TMEM82: variants seen among roughly 807,000 people sequenced by gnomAD.
TMEM82 encodes the protein transmembrane protein 82.
In TMEM82, 30 loss-of-function variants were observed where a neutral mutation model predicts 29.2. The ratio of observed to expected loss-of-function variants is 1.03; its 90% CI spans 0.77 to 1.39. The LOEUF is 1.39. Among genes scored for constraint, TMEM82 ranks in the 40% most tolerant of loss-of-function variants. The pLI is 0.00. For synonymous variants in TMEM82, 221 were observed against 225.4 expected (o/e 0.98, Z 0.18); for missense variants, 442 against 447.7 (o/e 0.99, Z 0.12).
Position 15,743,112 on chromosome 1 carries a change from C to T in TMEM82, c.254C>T (p.Thr85Met), listed in dbSNP as rs201226181. 1.7e-4 allele frequency: 275 copies of T among 1,611,970 alleles called. 1 individual carries two copies. In the Middle Eastern group the frequency reaches 2.3e-3, roughly 14 times the overall value. ...VHLAGLALFL[T>M]VVGSRVAALV... Reference sequence around the variant, plus strand: ...CTGGCAGGGCTGGCCCTGTTTCTGACGGTCGTGGGGTCCCGGGTGGCTGCC... The same window carrying T: ...CTGGCAGGGCTGGCCCTGTTTCTGATGGTCGTGGGGTCCCGGGTGGCTGCC... The change falls in exon 3 of 6, where the codon ACG (threonine) becomes ATG (methionine). Residue 85 changes from threonine to methionine, a missense_variant. Physicochemically the swap from Thr to Met is moderately conservative, Grantham distance 81. Transcript: ENST00000375782.
In TMEM82 at chr1:15,742,890, C is replaced by T. The variant is rs1489464643; in HGVS notation, c.144C>T (p.Phe48=). ...TGAACAGCCTCCTGAAAGTTTACTT[C>T]TTCGTGGGCTGTGCCAAGTGAGTGC... ...LVLNSLLKVY[F]FVGCANDPQR... Residue 48 remains phenylalanine, a synonymous_variant, in exon 2 of 6, where the codon TTC becomes TTT. Coordinates refer to ENST00000375782, the MANE Select transcript of TMEM82 (RefSeq NM_001013641.3). The T allele has an allele frequency of 6.2e-7, 1 of 1,612,894 alleles. No individual in the cohort carries two copies. The highest frequency in any genetic ancestry group is 1.1e-5 in the South Asian group (1 of 91,084).
At chr1:15,743,304 G>A (rs932977682) in intron 3 of TMEM82, 110 bp downstream of exon 3, 39 of 1,292,496 alleles carry the variant, frequency 3.0e-5, no homozygotes, top group Middle Eastern at 5.5e-4. Context: ...CCTCTTCGCC[G>A]TATTTTCCGT....
chr1:15,747,471 C>A, intron 5 of TMEM82, 75 bp from the exon 6 acceptor site: 1 of 1,294,648 alleles, frequency 7.7e-7, no homozygotes, highest in Non-Finnish European at 1.1e-6. Context: ...GGAGGAAGTG[C>A]CCGGGTCACT....
chr1:15,742,783 C>A lies in TMEM82; in HGVS notation c.89-52C>A. 2.5e-6 allele frequency: 4 copies of A among 1,575,786 alleles called. No homozygotes were observed. The South Asian group carries it at 4.5e-5, about 18-fold the overall frequency. On this transcript the variant is annotated intron_variant, in intron 1 of 5. Coordinates refer to ENST00000375782, the MANE Select transcript of TMEM82 (RefSeq NM_001013641.3). ...CCTCTGACCCTACCAATGAAGCCTG[C>A]CCTCCTAACACCCCTGCACGCTGCC...
At chr1:15,743,475 TCA>T (rs1459525041) in intron 3 of TMEM82, among the ~76,000 whole-genome samples, 1 of 152,254 alleles carries the variant, frequency 6.6e-6, no homozygotes, top group Non-Finnish European at 1.5e-5. Flanking sequence ...ACCGTGTGCA[TCA>T]CGTAATCCTC....
At position 15,743,038 on chromosome 1, in the gene TMEM82, C is replaced by G. The variant is rs368596294; in HGVS notation, c.180C>G (p.Pro60=). The G allele has an allele frequency of 6.2e-7, 1 of 1,600,414 alleles. No homozygotes were observed. The highest frequency in any genetic ancestry group is 2.2e-5 in the East Asian group (1 of 44,744). Residue 60 remains proline (P), a synonymous_variant, in exon 3 of 6, where the codon CCC becomes CCG. Coordinates refer to ENST00000375782, the MANE Select transcript of TMEM82 (RefSeq NM_001013641.3). ...VGCANDPQRR[P]EKERLRAQWA... is the part of the protein sequence containing the mutation. ...CCCAAAGTGACCCGCAGCGGCGACC[C>G]GAAAAGGAGCGGCTTCGGGCCCAGT... is the stretch of plus-strand genomic sequence containing the variant.
chr1:15,744,065 C>A lies in TMEM82; in HGVS notation c.337-95C>A. 1 of 1,328,102 alleles carries A rather than the reference C, an allele frequency of 7.5e-7. No homozygotes were observed. The highest frequency in any genetic ancestry group is 1.0e-6 in the Non-Finnish European group (1 of 1,003,480). The allele number at this position is 1,328,102 out of a possible 1,614,324, so 82.3% of individuals were successfully genotyped here. A position where few individuals can be genotyped will look rare whatever the true frequency, so the allele number is the denominator to read the frequency against. On this transcript the variant is annotated intron_variant, in intron 3 of 5. Transcript: ENST00000375782. This position sits in a 1 kb window ranked among gnomAD's most constrained non-coding sequence, Gnocchi z 5.2. ...CCGATGTGGCCCCTTCGGGAACCAT[C>A]CCCAAGGTCCCTTCAGGCTCCGGCT...
At chr1:15,742,741 C>A in intron 1 of TMEM82, 94 bp downstream of exon 1, 1 of 1,521,564 alleles carries the variant, frequency 6.6e-7, no homozygotes, top group Non-Finnish European at 9.0e-7. Context: ...CCCGACACCC[C>A]TGCCCCTTGG....
Position 15,744,422 on chromosome 1 carries a change from TC to T in TMEM82, c.604del (p.Gln202SerfsTer9), listed in dbSNP as rs1294128610. ...CLGLLAHAHG[L>X]PQLLGRALAI... The stretch of plus-strand genomic sequence containing the variant: ...GGCCTGCTGGCCCATGCACATGGCC[TC>T]CCCCAGCTGCTGGGCCGTGCCCTGG... On this transcript the variant is annotated frameshift_variant, in exon 4 of 6. Coordinates refer to ENST00000375782, the MANE Select transcript of TMEM82 (RefSeq NM_001013641.3). LOFTEE classifies it high-confidence loss of function. This position sits in a 1 kb window ranked among gnomAD's most constrained non-coding sequence, Gnocchi z 5.2. 3 of 1,590,322 alleles carry T rather than the reference TC, an allele frequency of 1.9e-6. No homozygotes were observed. The highest frequency in any genetic ancestry group is 2.6e-6 in the Non-Finnish European group (3 of 1,169,188).
chr1:15,743,345 C>T, intron 3 of TMEM82, 151 bp downstream of exon 3: 1 of 1,058,932 alleles, frequency 9.4e-7, no homozygotes, highest in Non-Finnish European at 1.3e-6. Flanking sequence ...CAGGTTGCAC[C>T]TTTGGGTTTG....
Position 15,743,105 on chromosome 1 carries a change from T to A in TMEM82, c.247T>A (p.Phe83Ile), listed in dbSNP as rs1260025521. Residue 83 changes from phenylalanine (F) to isoleucine (I), a missense_variant, in exon 3 of 6, where the codon TTT (phenylalanine) becomes ATT (isoleucine). Transcript: ENST00000375782. ...GGTGCACCTGGCAGGGCTGGCCCTG[T>A]TTCTGACGGTCGTGGGGTCCCGGGT... ...ETVHLAGLAL[F>I]LTVVGSRVAA... 5.0e-6 allele frequency: 8 copies of A among 1,612,092 alleles called. No homozygotes were observed. The East Asian group carries it at 1.8e-4, about 36-fold the overall frequency.
rs770620352 is a variant in TMEM82, at chr1:15,747,594, C to A, written c.994C>A (p.Pro332Thr). 5 of 1,614,088 alleles carry A rather than the reference C, an allele frequency of 3.1e-6. No individual in the cohort carries two copies. Among genetic ancestry groups the A allele is most frequent in the Non-Finnish European group, 4.2e-6 (5 of 1,179,972 alleles). Residue 332 changes from proline to threonine, a missense_variant, in exon 6 of 6, where the codon CCC (proline) becomes ACC (threonine). Transcript: ENST00000375782. ...AGTGTCAACACCAAGCCAGCCCCTG[C>A]CCTCGGCACCCCAGTCCCAGAGTTC... ...PPVSTPSQPL[P>T]SAPQSQSSAP...
In TMEM82 at chr1:15,744,156, G is replaced by T. The variant is rs776164903; in HGVS notation, c.337-4G>T. ...TCTCGGCCCCTCTTCGGCACTCCCCGCAGGGCTCCCAGGGTGCCGCCGAGA... is the reference window on the plus strand; with the variant it reads ...TCTCGGCCCCTCTTCGGCACTCCCCTCAGGGCTCCCAGGGTGCCGCCGAGA... On this transcript the variant is annotated splice_region_variant and splice_polypyrimidine_tract_variant and intron_variant, in intron 3 of 5. Coordinates refer to ENST00000375782, the MANE Select transcript of TMEM82 (RefSeq NM_001013641.3). The surrounding 1 kb of genome is among the most constrained non-coding windows in gnomAD (Gnocchi z 5.2). The T allele has an allele frequency of 3.3e-6, 5 of 1,536,262 alleles. No homozygotes were observed. The highest frequency in any genetic ancestry group is 2.7e-5 in the African/African-American group (2 of 73,648).
At position 15,744,591 on chromosome 1, in the gene TMEM82, C is replaced by A; in HGVS notation, c.757+11C>A. On this transcript the variant is annotated intron_variant, in intron 4 of 5. Transcript: ENST00000375782. The surrounding 1 kb of genome is among the most constrained non-coding windows in gnomAD (Gnocchi z 5.2). ...TCATCTACATGCAGGGTGAGCGCTG[C>A]GGGGCCTGCTCCATTCAATCCACGC... 1 of 1,594,618 alleles carries A rather than the reference C, an allele frequency of 6.3e-7. No homozygotes were observed. Among genetic ancestry groups the A allele is most frequent in the Non-Finnish European group, 8.5e-7 (1 of 1,169,640 alleles).
At position 15,746,855 on chromosome 1, in the gene TMEM82, C is replaced by G. The variant is rs769685185; in HGVS notation, c.758-12C>G. The G allele has an allele frequency of 1.3e-6, 2 of 1,553,468 alleles. No homozygotes were observed. The highest frequency in any genetic ancestry group is 1.7e-6 in the Non-Finnish European group (2 of 1,154,658). ...GTGTGGTCGGACGGTGACAGGCACC[C>G]GCATCCCACAGAGGAGCAGCGGCAG... On this transcript the variant is annotated splice_polypyrimidine_tract_variant and intron_variant, in intron 4 of 5. Coordinates refer to ENST00000375782, the MANE Select transcript of TMEM82 (RefSeq NM_001013641.3).
Position 15,744,322 on chromosome 1 carries a change from G to T in TMEM82, c.499G>T (p.Ala167Ser). 1 of 1,543,134 alleles carries T rather than the reference G, an allele frequency of 6.5e-7. No individual in the cohort carries two copies. ...GCTGGCCACGCTGCTGGGCCTGGGT[G>T]CCCGGCGCCTCCACCGCCACGTCTG... ...LGLATLLGLG[A>S]RRLHRHVCRL... is the part of the protein sequence containing the mutation. The change falls in exon 4 of 6, where the codon GCC (alanine) becomes TCC (serine). Residue 167 changes from alanine to serine, a missense_variant. Ala to Ser is a moderately conservative substitution (Grantham distance 99). Coordinates refer to ENST00000375782, the MANE Select transcript of TMEM82 (RefSeq NM_001013641.3). The surrounding 1 kb of genome is among the most constrained non-coding windows in gnomAD (Gnocchi z 5.2).
At chr1:15,743,474 ATCACGTAATCC>A (rs2148394379) in intron 3 of TMEM82, among the ~76,000 whole-genome samples, 1 of 152,396 alleles carries the variant, frequency 6.6e-6, no homozygotes. Flanking sequence ...CACCGTGTGC[ATCACGTAATCC>A]TCACAGCCAC....
At chr1:15,746,738 C>T in intron 4 of TMEM82, 129 bp from the exon 5 acceptor site, 2 of 750,606 alleles carry the variant, frequency 2.7e-6, no homozygotes, top group Non-Finnish European at 2.2e-6. Context: ...GGGATGGGGA[C>T]CAGGAGGATG....
At chr1:15,746,783 C>T (rs1260690029) in intron 4 of TMEM82, 84 bp from the exon 5 acceptor site, 2 of 1,204,040 alleles carry the variant, frequency 1.7e-6, no homozygotes, top group South Asian at 1.4e-5. Context: ...GGGGAAGGCT[C>T]ATCCTGTGGA....
Sources: gnomAD v4.1 joint callset for allele counts (sites outside exome capture counted in the v4.1 genomes callset) on GRCh38, gnomAD v4.1.1 for gene constraint, Gnocchi (gnomAD v3.1) non-coding constraint, MANE v1.5 for transcripts, NCBI Gene and HGNC (gene_info 2026-07-23, HGNC 2026-07-21) for gene names.